Variants in NIN observed in about 807,000 individuals in gnomAD.
NIN encodes ninein.
In NIN, 137 loss-of-function variants were observed where a neutral mutation model predicts 257.6. That is an observed-to-expected ratio of 0.53 (90% CI 0.46 to 0.61). NIN has a LOEUF of 0.61. Among genes scored for constraint, NIN ranks in the 20% least tolerant of loss-of-function variants. The pLI, the probability that NIN is intolerant of heterozygous loss-of-function variation, is 0.00. For synonymous variants in NIN, 918 were observed against 919.8 expected (o/e 1.00, Z 0.04); for missense variants, 2,439 against 2,501.2 (o/e 0.98, Z 0.53).
At chr14:50,794,425 T>C in intron 4 of NIN, 1 of 932,852 alleles carries the variant, frequency 1.1e-6, no homozygotes, top group South Asian at 5.0e-5. Context: ...TGCATGCATA[T>C]TTGAAGGTAC....
chr14:50,734,092 T>A lies in NIN; in HGVS notation c.5877+1424A>T, dbSNP rs112528628. Among the ~76,000 whole-genome samples the A allele has an allele frequency of 4.2e-4, 63 of 151,790 alleles. 1 individual carries two copies. Among genetic ancestry groups the A allele is most frequent in the African/African-American group, 1.2e-3 (49 of 41,462 alleles). On this transcript the variant is annotated intron_variant, in intron 28 of 30. Coordinates refer to ENST00000530997, the MANE Select transcript of NIN (RefSeq NM_020921.4). ...TTTCTTCTTTTTCTTCTTTATTTTT[T>A]TTTTTTTTTCTTTTTGAGATGGAGT... is the stretch of plus-strand genomic sequence containing the variant.
chr14:50,780,700 A>T (rs17122885), intron 5 of NIN, among the ~76,000 whole-genome samples: 22,476 of 152,216 alleles, frequency 0.15, 3,298 homozygotes, highest in African/African-American at 0.39. Context: ...CAAGCTGACA[A>T]TGCTGAGATG....
In NIN at chr14:50,807,455, A is replaced by G. The variant is rs117632639; in HGVS notation, c.184-637T>C. On this transcript the variant is annotated intron_variant, in intron 3 of 30. Coordinates refer to ENST00000530997, the MANE Select transcript of NIN (RefSeq NM_020921.4). ...AAAGAACCTGAGTTTTATTTAAGTA[A>G]ATAGTCAGAACTAGGATATTACTTT... 1.1e-4 allele frequency among the ~76,000 whole-genome samples: 16 copies of G among 152,344 alleles called. No individual in the cohort carries two copies. In the East Asian group the frequency reaches 3.1e-3, roughly 29 times the overall value.
chr14:50,804,754 C>T (rs2044246289), intron 4 of NIN, among the ~76,000 whole-genome samples: 1 of 150,252 alleles, frequency 6.7e-6, no homozygotes, highest in African/African-American at 2.5e-5. Flanking sequence ...TCTTGGGCCA[C>T]ACATAAAATA....
intron 27 of NIN, 69 bp downstream of exon 27, chr14:50,738,071 G>A (rs1353061688): frequency 1.3e-6 from 2 of 1,493,738 alleles, no homozygotes; most frequent in Non-Finnish European, 1.8e-6. Flanking sequence ...GTACACCTGA[G>A]AAGAAACACA....
chr14:50,768,995 C>T (rs2141769748), intron 12 of NIN, among the ~76,000 whole-genome samples: 2 of 152,280 alleles, frequency 1.3e-5, no homozygotes, highest in East Asian at 3.9e-4. Flanking sequence ...GAGACTTACA[C>T]CTCATGGTGT....
At chr14:50,813,200 C>A (rs2044719307) in intron 3 of NIN, among the ~76,000 whole-genome samples, 1 of 152,192 alleles carries the variant, frequency 6.6e-6, no homozygotes, top group Non-Finnish European at 1.5e-5. Context: ...TACCATTTTT[C>A]TCCTCCAAGG....
In NIN at chr14:50,723,412, G is replaced by A; in HGVS notation, c.*51C>T. The A allele has an allele frequency of 6.8e-7, 1 of 1,472,640 alleles. No individual in the cohort carries two copies. The highest frequency in any genetic ancestry group is 9.5e-7 in the Non-Finnish European group (1 of 1,057,842). 91.2% of individuals were successfully genotyped at this position (1,472,640 alleles called of 1,614,324 possible). A position where few individuals can be genotyped will look rare whatever the true frequency, so the allele number is the denominator to read the frequency against. On this transcript the variant is annotated 3_prime_UTR_variant, in exon 31 of 31. Transcript: ENST00000530997. Reference sequence around the variant, plus strand: ...TTTTAAGTTGAGAACCTACTGAAATGTTCATCTATTTCAGTAAAGTGCACA... The same window carrying A: ...TTTTAAGTTGAGAACCTACTGAAATATTCATCTATTTCAGTAAAGTGCACA...
In NIN at chr14:50,741,538, TTACTG is replaced by T. The variant is rs1309767111; in HGVS notation, c.5448+39_5448+43del. ...CAAGTTGTCCTAAGATTTGTATACTTTACTGTAAATAACTTATACCTAAATAAAAA... is the reference window on the plus strand; with the variant it reads ...CAAGTTGTCCTAAGATTTGTATACTTTAAATAACTTATACCTAAATAAAAA... On this transcript the variant is annotated intron_variant, in intron 25 of 30. Coordinates refer to ENST00000530997, the MANE Select transcript of NIN (RefSeq NM_020921.4). The T allele has an allele frequency of 2.5e-6, 4 of 1,572,786 alleles. No individual in the cohort carries two copies. The Admixed American group carries it at 5.2e-5, about 21-fold the overall frequency.
chr14:50,777,071 A>T lies in NIN; in HGVS notation c.544T>A (p.Trp182Arg), dbSNP rs755289936. 27 of 1,614,040 alleles carry T rather than the reference A, an allele frequency of 1.7e-5. No individual in the cohort carries two copies. In the Admixed American group the frequency reaches 4.5e-4, roughly 27 times the overall value. Residue 182 changes from tryptophan to arginine, a missense_variant, in exon 7 of 31, where the codon TGG becomes AGG. By Grantham distance (101) the Trp-to-Arg change is moderately radical. Coordinates refer to ENST00000530997, the MANE Select transcript of NIN (RefSeq NM_020921.4). ...ACTTCTTGCAGTTTCTCTTCTATCCAGTCTTGGGGAGGGGAAGATCCACTC... is the reference window on the plus strand; with the variant it reads ...ACTTCTTGCAGTTTCTCTTCTATCCTGTCTTGGGGAGGGGAAGATCCACTC... Reference protein sequence around the residue: ...SQSGSSPPQDWIEEKLQEVCE... With the variant: ...SQSGSSPPQDRIEEKLQEVCE...
chr14:50,792,236 C>G (rs2043627703), intron 5 of NIN: 1 of 154,506 alleles, frequency 6.5e-6, no homozygotes, highest in Admixed American at 6.4e-5. Context: ...GAGGCAAAAA[C>G]CAAGTGTTCG....
chr14:50,805,314 C>T (rs1258874130), intron 4 of NIN, among the ~76,000 whole-genome samples: 2 of 152,158 alleles, frequency 1.3e-5, no homozygotes, highest in Non-Finnish European at 2.9e-5. Context: ...CATATAAAAA[C>T]ACAAAAGTCC....
chr14:50,783,529 C>T (rs2043218827), intron 5 of NIN, among the ~76,000 whole-genome samples: 1 of 152,082 alleles, frequency 6.6e-6, no homozygotes, highest in Non-Finnish European at 1.5e-5. Flanking sequence ...ATGGGGCTTA[C>T]CACACAGATA....
At chr14:50,803,549 G>C (rs9788504) in intron 4 of NIN, among the ~76,000 whole-genome samples, 77,912 of 151,926 alleles carry the variant, frequency 0.51, 20,853 homozygotes, top group Middle Eastern at 0.63. Context: ...CCGAAGACTG[G>C]CTCACCCATT....
chr14:50,795,462 T>C (rs3783279), intron 4 of NIN, among the ~76,000 whole-genome samples: 27,355 of 152,064 alleles, frequency 0.18, 2,671 homozygotes, highest in South Asian at 0.23. Context: ...CAATCAGAGA[T>C]TTAGAACTGA....
chr14:50,734,957 A>T (rs1334218574), intron 28 of NIN, among the ~76,000 whole-genome samples: 1 of 151,500 alleles, frequency 6.6e-6, no homozygotes, highest in Non-Finnish European at 1.5e-5. Context: ...AAATGCTGGG[A>T]TTACAGGTAT....
At position 50,756,574 on chromosome 14, in the gene NIN, C is replaced by G. The variant is rs368818351; in HGVS notation, c.4456G>C (p.Glu1486Gln). ...VKQKDVLSHGEKEEELKAMMH... is the reference protein window; with the variant it reads ...VKQKDVLSHGQKEEELKAMMH... ...ATTGCCTTCAGCTCTTCCTCCTTTT[C>G]TCCGTGAGAAAGTACATCTTTTTGC... Residue 1486 changes from glutamate to glutamine, a missense_variant, in exon 18 of 31, where the codon GAA (glutamate) becomes CAA (glutamine). By Grantham distance (29) the Glu-to-Gln change is conservative. This residue lies in a region of NIN where 2,043 missense variants were observed against 2,050.2 expected (regional missense o/e 1.00). Coordinates refer to ENST00000530997, the MANE Select transcript of NIN (RefSeq NM_020921.4). The G allele has an allele frequency of 3.8e-5, 62 of 1,611,768 alleles. No individual in the cohort carries two copies. Among genetic ancestry groups the G allele is most frequent in the Non-Finnish European group, 4.7e-5 (55 of 1,178,926 alleles).
At chr14:50,726,354 T>C in intron 29 of NIN, 1 of 312,274 alleles carries the variant, frequency 3.2e-6, no homozygotes, top group African/African-American at 2.1e-5. Flanking sequence ...TTAATACCTG[T>C]GAGTACCTCT....
At chr14:50,765,887 T>C (rs1173010375) in intron 14 of NIN, among the ~76,000 whole-genome samples, 1 of 151,260 alleles carries the variant, frequency 6.6e-6, no homozygotes, top group Non-Finnish European at 1.5e-5. Context: ...TTAGGGTACA[T>C]GTGCACATTG....
Sources: allele counts gnomAD v4.1 joint callset (sites outside exome capture counted in the v4.1 genomes callset), GRCh38; gene constraint gnomAD v4.1.1; regional missense constraint gnomAD v4.1.1; transcripts MANE v1.5; gene names NCBI Gene and HGNC (gene_info 2026-07-23, HGNC 2026-07-21).